GFRA2: variants seen among roughly 807,000 people sequenced by gnomAD.
GFRA2 encodes the protein GDNF family receptor alpha-2.
A neutral mutation model predicts 48.3 loss-of-function variants in GFRA2; 17 were observed. The observed-to-expected ratio is 0.35, with a 90% CI of 0.24 to 0.53. The LOEUF is 0.53. GFRA2 is among the 20% of genes least tolerant of loss of function. The pLI, the probability that GFRA2 is intolerant of heterozygous loss-of-function variation, is 0.93. For missense variants in GFRA2, 660 were observed against 637.3 expected, an observed-to-expected ratio of 1.04 and a Z score of -0.38; for synonymous variants, 305 against 257.2, an observed-to-expected ratio of 1.19 and a Z score of -1.78.
chr8:21,799,836 CCTGTGT>C (rs1416826564), intron 2 of GFRA2, among the ~76,000 whole-genome samples: 1 of 152,168 alleles, frequency 6.6e-6, no homozygotes, highest in Non-Finnish European at 1.5e-5. Flanking sequence ...CAACAAGAAG[CCTGTGT>C]CCTCTGCAGA....
At chr8:21,711,591 C>CGTGTAGG (rs1803028189) in intron 4 of GFRA2, among the ~76,000 whole-genome samples, 1 of 152,038 alleles carries the variant, frequency 6.6e-6, no homozygotes, top group African/African-American at 2.4e-5. Context: ...AAACGAAGAA[C>CGTGTAGG]GTGTAGGTTC....
Position 21,691,896 on chromosome 8 carries a change from TGCACACAG to T in GFRA2, c.*1374_*1381del, listed in dbSNP as rs1345783392. On this transcript the variant is annotated 3_prime_UTR_variant, in exon 9 of 9. Coordinates refer to ENST00000524240, the MANE Select transcript of GFRA2 (RefSeq NM_001495.5). Reference sequence around the variant, plus strand: ...GGTGAGACACATGGATGCACACACATGCACACAGGCACACACACGGACACACATTTCCC... The same window carrying T: ...GGTGAGACACATGGATGCACACACATGCACACACACGGACACACATTTCCC... 2 of 152,642 alleles carry T rather than the reference TGCACACAG, an allele frequency of 1.3e-5. No homozygotes were observed. The highest frequency in any genetic ancestry group is 1.3e-4 in the Admixed American group (2 of 15,282). The allele number at this position is 152,642 out of a possible 1,614,324, so 9.5% of individuals were successfully genotyped here.
At chr8:21,802,195 C>G (rs1301149809) in intron 2 of GFRA2, among the ~76,000 whole-genome samples, 1 of 152,244 alleles carries the variant, frequency 6.6e-6, no homozygotes, top group Middle Eastern at 3.2e-3. Flanking sequence ...TTTCTAGCTG[C>G]CTGGCTTTGG....
chr8:21,707,018 T>C (rs1361458539), intron 4 of GFRA2, among the ~76,000 whole-genome samples: 1 of 152,204 alleles, frequency 6.6e-6, no homozygotes, highest in Non-Finnish European at 1.5e-5. Flanking sequence ...ATCATCACCT[T>C]CTACAGGTGA....
At chr8:21,753,886 C>T (rs1277835930) in intron 3 of GFRA2, among the ~76,000 whole-genome samples, 1 of 152,230 alleles carries the variant, frequency 6.6e-6, no homozygotes, top group Non-Finnish European at 1.5e-5. Context: ...CCATTCCAGC[C>T]ACCCCAGCCT....
At chr8:21,734,704 G>A (rs1396872881) in intron 4 of GFRA2, among the ~76,000 whole-genome samples, 2 of 152,196 alleles carry the variant, frequency 1.3e-5, no homozygotes, top group Non-Finnish European at 2.9e-5. Context: ...TTTTGTCTGG[G>A]TCCTGTCACT....
chr8:21,705,274 C>T, intron 5 of GFRA2, 149 bp from the exon 6 acceptor site: 1 of 733,040 alleles, frequency 1.4e-6, no homozygotes, highest in East Asian at 2.7e-5. Context: ...CAATCGCACT[C>T]CTAACTCTGA....
intron 2 of GFRA2, among the ~76,000 whole-genome samples, chr8:21,803,186 C>T (rs1339036689): frequency 1.3e-5 from 2 of 152,202 alleles, no homozygotes; most frequent in Non-Finnish European, 2.9e-5. Context: ...GCATTATCAT[C>T]CTGCAGCTGC....
intron 4 of GFRA2, among the ~76,000 whole-genome samples, chr8:21,742,578 C>T (rs1804801401): frequency 6.6e-6 from 1 of 152,212 alleles, no homozygotes; most frequent in South Asian, 2.1e-4. Context: ...CAGTCCATGC[C>T]AGTGAGTGAA....
At position 21,702,822 on chromosome 8, in the gene GFRA2, TG is replaced by T. The variant is rs1802548720; in HGVS notation, c.1200del (p.Thr401ProfsTer10). ...ACCCTCACCTGGACAGACGTGCAGG[TG>T]GTGATGACACTGGTCCCCAAGCTGG... ...DSTSLGTSVI[T>X]TCTSVQEQGL... is the part of the protein sequence containing the mutation. On this transcript the variant is annotated frameshift_variant, in exon 7 of 9. Coordinates refer to ENST00000524240, the MANE Select transcript of GFRA2 (RefSeq NM_001495.5). LOFTEE classifies it high-confidence loss of function. The T allele has an allele frequency of 6.2e-7, 1 of 1,607,516 alleles. No individual in the cohort carries two copies. The highest frequency in any genetic ancestry group is 1.3e-5 in the African/African-American group (1 of 74,216).
In GFRA2 at chr8:21,691,040, A is replaced by G. The variant is rs1425806867; in HGVS notation, c.*2238T>C. ...GGAAGGCAATACACCACAGTGATAA[A>G]CGCTGTGAACGGATGCTGCTCACAC... On this transcript the variant is annotated 3_prime_UTR_variant, in exon 9 of 9. Transcript: ENST00000524240. 2 of 152,154 alleles carry G rather than the reference A, an allele frequency of 1.3e-5. No individual in the cohort carries two copies. Among genetic ancestry groups the G allele is most frequent in the Non-Finnish European group, 2.9e-5 (2 of 68,026 alleles). 9.4% of individuals were successfully genotyped at this position (152,154 alleles called of 1,614,324 possible). A position where few individuals can be genotyped will look rare whatever the true frequency, so the allele number is the denominator to read the frequency against.
intron 4 of GFRA2, among the ~76,000 whole-genome samples, chr8:21,743,207 C>T (rs764301271): frequency 1.3e-5 from 2 of 152,126 alleles, no homozygotes; most frequent in Admixed American, 1.3e-4. Flanking sequence ...GGTCTCGGCT[C>T]CTTGCAGTTA....
Position 21,702,802 on chromosome 8 carries a change from C to T in GFRA2, c.1218+3G>A. 6.2e-7 allele frequency: 1 copy of T among 1,601,046 alleles called. No homozygotes were observed. The highest frequency in any genetic ancestry group is 8.5e-7 in the Non-Finnish European group (1 of 1,173,948). ...CCCCCACGCCTCAGCCACACACCCTCACCTGGACAGACGTGCAGGTGGTGA... is the reference window on the plus strand; with the variant it reads ...CCCCCACGCCTCAGCCACACACCCTTACCTGGACAGACGTGCAGGTGGTGA... On this transcript the variant is annotated splice_donor_region_variant and intron_variant, in intron 7 of 8. Coordinates refer to ENST00000524240, the MANE Select transcript of GFRA2 (RefSeq NM_001495.5).
At chr8:21,703,596 G>A (rs923205602) in intron 6 of GFRA2, among the ~76,000 whole-genome samples, 2 of 152,166 alleles carry the variant, frequency 1.3e-5, no homozygotes, top group Non-Finnish European at 1.5e-5. Context: ...TCCTACCCTT[G>A]TCAACGCTCC....
At chr8:21,747,215 CAGA>C (rs2117577314) in intron 4 of GFRA2, among the ~76,000 whole-genome samples, 1 of 152,292 alleles carries the variant, frequency 6.6e-6, no homozygotes, top group Admixed American at 6.5e-5. Flanking sequence ...TTTTAGCATT[CAGA>C]AGAAGAAGCG....
chr8:21,701,843 T>A (rs1802495862), intron 7 of GFRA2, among the ~76,000 whole-genome samples: 1 of 152,090 alleles, frequency 6.6e-6, no homozygotes, highest in Admixed American at 6.5e-5. Flanking sequence ...CTCAGAATCA[T>A]CAGAGCTGAT....
chr8:21,705,093 T>TG lies in GFRA2; in HGVS notation c.936dup (p.Ser313GlnfsTer24). Reference sequence around the variant, plus strand: ...GGGGACACCACGATGCCAGTGGGGCTGGAGTCCACATAGTTAGGTGTCATG... The same window carrying TG: ...GGGGACACCACGATGCCAGTGGGGCTGGGAGTCCACATAGTTAGGTGTCATG... On this transcript the variant is annotated frameshift_variant, in exon 6 of 9. Transcript: ENST00000524240. LOFTEE classifies it high-confidence loss of function. 1 of 1,611,172 alleles carries TG rather than the reference T, an allele frequency of 6.2e-7. No homozygotes were observed. Among genetic ancestry groups the TG allele is most frequent in the Non-Finnish European group, 8.5e-7 (1 of 1,179,260 alleles).
intron 4 of GFRA2, among the ~76,000 whole-genome samples, chr8:21,710,151 C>T (rs1802946435): frequency 6.6e-6 from 1 of 152,192 alleles, no homozygotes. Flanking sequence ...GTCTGTGTGA[C>T]CTTGGGCTGG....
chr8:21,807,702 A>G (rs1393886558), intron 1 of GFRA2, among the ~76,000 whole-genome samples: 1 of 152,070 alleles, frequency 6.6e-6, no homozygotes, highest in African/African-American at 2.4e-5. Flanking sequence ...TCCTCTTCTT[A>G]TAAGAACTCC....
Sources: allele counts gnomAD v4.1 joint callset (sites outside exome capture counted in the v4.1 genomes callset), GRCh38; gene constraint gnomAD v4.1.1; transcripts MANE v1.5; gene names NCBI Gene and HGNC (gene_info 2026-07-23, HGNC 2026-07-21).